The following SNTB2 variants were observed in gnomAD, a reference collection of about 807,000 sequenced individuals.
SNTB2 encodes beta-2-syntrophin.
A neutral mutation model predicts 46.2 loss-of-function variants in SNTB2; 34 were observed. The ratio of observed to expected loss-of-function variants is 0.74; its 90% CI spans 0.56 to 0.98. The LOEUF (loss-of-function observed/expected upper bound fraction) is 0.98, where lower values mean the gene tolerates loss of function less well. Among genes scored for constraint, SNTB2 ranks in the 50% least tolerant of loss-of-function variants. The pLI, the probability that SNTB2 is intolerant of heterozygous loss-of-function variation, is 0.00. For missense variants in SNTB2, 603 were observed against 731.4 expected, an observed-to-expected ratio of 0.82 and a Z score of 2.02; for synonymous variants, 290 against 312.6, an observed-to-expected ratio of 0.93 and a Z score of 0.76.
chr16:69,228,048 G>A (rs972991125), intron 1 of SNTB2, among the ~76,000 whole-genome samples: 4 of 151,812 alleles, frequency 2.6e-5, no homozygotes, highest in South Asian at 2.1e-4. Context: ...TAATTACCAC[G>A]TCTAGATATT....
At chr16:69,299,848 A>G (rs888710608) in intron 6 of SNTB2, 74 bp downstream of exon 6, 51 of 1,436,034 alleles carry the variant, frequency 3.6e-5, no homozygotes, top group Non-Finnish European at 4.9e-5. Context: ...TACCCCTTAT[A>G]TACAAAGTCA....
chr16:69,224,487 AGGC>A (rs1964439759), intron 1 of SNTB2, among the ~76,000 whole-genome samples: 1 of 152,246 alleles, frequency 6.6e-6, no homozygotes, highest in Admixed American at 6.5e-5. Flanking sequence ...CTGGGATTAC[AGGC>A]GTGAGCCACT....
chr16:69,291,914 C>A (rs912602216), intron 5 of SNTB2, among the ~76,000 whole-genome samples: 2 of 151,472 alleles, frequency 1.3e-5, no homozygotes, highest in African/African-American at 4.9e-5. Flanking sequence ...CAGAGTAAGA[C>A]CCTGTCTTAA....
intron 1 of SNTB2, among the ~76,000 whole-genome samples, chr16:69,215,173 T>C (rs1964334696): frequency 6.6e-6 from 1 of 152,156 alleles, no homozygotes; most frequent in Admixed American, 6.6e-5. Context: ...TAACTTTAAG[T>C]AAGGGTTACT....
intron 4 of SNTB2, among the ~76,000 whole-genome samples, chr16:69,280,803 T>TC (rs1491141922): frequency 6.2e-5 from 6 of 97,544 alleles, no homozygotes; most frequent in Non-Finnish European, 1.1e-4. Context: ...TCATTCTCTC[T>TC]TTTTTTTTTT....
intron 3 of SNTB2, among the ~76,000 whole-genome samples, chr16:69,265,356 A>G (rs1964874223): frequency 6.6e-6 from 1 of 152,202 alleles, no homozygotes; most frequent in Non-Finnish European, 1.5e-5. Context: ...GACCATATAC[A>G]TTCAATTGGT....
rs1368548064 is a variant in SNTB2, at chr16:69,232,382, T to G, written c.581-13220T>G. Among the ~76,000 whole-genome samples the G allele has an allele frequency of 2.0e-5, 3 of 151,106 alleles. No individual in the cohort carries two copies. In the East Asian group the frequency reaches 5.8e-4, roughly 29 times the overall value. On this transcript the variant is annotated intron_variant, in intron 1 of 6. Transcript: ENST00000336278. ...CACCACGCCCGGCTAATTTTTTGTA[T>G]TTTTAGTAGAGACGGGGTTTCACCA...
intron 4 of SNTB2, among the ~76,000 whole-genome samples, chr16:69,275,837 A>T (rs997027883): frequency 6.6e-6 from 1 of 152,164 alleles, no homozygotes; most frequent in African/African-American, 2.4e-5. Context: ...TTATTATGTT[A>T]AAAAAAGTAG....
At chr16:69,268,190 G>A (rs1375900538) in intron 3 of SNTB2, among the ~76,000 whole-genome samples, 4 of 152,166 alleles carry the variant, frequency 2.6e-5, no homozygotes, top group African/African-American at 9.7e-5. Context: ...TGGGCCGGGC[G>A]CAGTGGCTCA....
intron 1 of SNTB2, among the ~76,000 whole-genome samples, chr16:69,245,062 G>A (rs1597185161): frequency 6.6e-6 from 1 of 152,212 alleles, no homozygotes; most frequent in East Asian, 1.9e-4. Context: ...TGAGAAGACA[G>A]GGAACCAGTG....
chr16:69,247,054 AAAT>A (rs1964677507), intron 2 of SNTB2, among the ~76,000 whole-genome samples: 1 of 147,478 alleles, frequency 6.8e-6, no homozygotes, highest in African/African-American at 2.5e-5. Context: ...ATAATAAAAA[AAAT>A]ATATATATAT....
intron 1 of SNTB2, among the ~76,000 whole-genome samples, chr16:69,196,376 C>CTTTTTTTTTTT (rs533787609): frequency 7.4e-6 from 1 of 134,640 alleles, no homozygotes. Context: ...TTTTCTTTTT[C>CTTTTTTTTTTT]TTTTTTTTTT....
At chr16:69,254,362 T>C (rs1964753783) in intron 2 of SNTB2, among the ~76,000 whole-genome samples, 1 of 152,222 alleles carries the variant, frequency 6.6e-6, no homozygotes, top group Non-Finnish European at 1.5e-5. Context: ...TGGCTGGGAT[T>C]TGGCTCTTTC....
intron 4 of SNTB2, among the ~76,000 whole-genome samples, chr16:69,278,342 T>A (rs1481342977): frequency 1.3e-5 from 2 of 151,560 alleles, no homozygotes; most frequent in Non-Finnish European, 2.9e-5. Flanking sequence ...AAAAAGAAAA[T>A]ATAAAAAGTG....
chr16:69,292,834 A>G (rs893608835), intron 5 of SNTB2, among the ~76,000 whole-genome samples: 1 of 151,944 alleles, frequency 6.6e-6, no homozygotes, highest in African/African-American at 2.4e-5. Context: ...TTAAATTACT[A>G]TCGGGGAGCT....
At chr16:69,188,844 A>C (rs1159181343) in intron 1 of SNTB2, among the ~76,000 whole-genome samples, 1 of 152,204 alleles carries the variant, frequency 6.6e-6, no homozygotes, top group Non-Finnish European at 1.5e-5. Flanking sequence ...TTAAATGCCA[A>C]AGGAATGCAA....
chr16:69,217,112 C>A (rs750184180), intron 1 of SNTB2, among the ~76,000 whole-genome samples: 1 of 152,056 alleles, frequency 6.6e-6, no homozygotes, highest in Admixed American at 6.6e-5. Flanking sequence ...CTTTACAGTA[C>A]GTTAACGGTA....
intron 5 of SNTB2, among the ~76,000 whole-genome samples, chr16:69,287,882 G>A (rs146988859): frequency 6.6e-6 from 1 of 150,480 alleles, no homozygotes; most frequent in Non-Finnish European, 1.5e-5. Context: ...ATATATATAT[G>A]TATATGCATT....
chr16:69,263,397 A>G (rs1019140952), intron 3 of SNTB2, among the ~76,000 whole-genome samples: 2 of 150,404 alleles, frequency 1.3e-5, no homozygotes, highest in Non-Finnish European at 3.0e-5. Context: ...GGCATGAGCC[A>G]CTGTGCCCAG....
Sources: allele counts gnomAD v4.1 joint callset (sites outside exome capture counted in the v4.1 genomes callset), GRCh38; gene constraint gnomAD v4.1.1; transcripts MANE v1.5; gene names NCBI Gene and HGNC (gene_info 2026-07-23, HGNC 2026-07-21).